The following TRMT10A variants were observed in gnomAD, a reference collection of about 807,000 sequenced individuals.
TRMT10A encodes the protein tRNA methyltransferase 10 homolog A.
In TRMT10A, 37 loss-of-function variants were observed where a neutral mutation model predicts 40.4. The ratio of observed to expected loss-of-function variants is 0.92; its 90% CI spans 0.71 to 1.21. TRMT10A has a LOEUF of 1.21. Among genes scored for constraint, TRMT10A ranks in the 50% most tolerant of loss-of-function variants. The pLI is 0.00. For synonymous variants in TRMT10A, 103 were observed against 134.1 expected, an observed-to-expected ratio of 0.77 and a Z score of 1.60; for missense variants, 388 against 404.3, an observed-to-expected ratio of 0.96 and a Z score of 0.35.
Position 99,559,203 on chromosome 4 carries a change from T to C in TRMT10A, c.136A>G (p.Lys46Glu). The part of the protein sequence containing the change: ...GCEPISKRQM[K>E]KLIKQKQWEE... ...CATTGTTTCTGTTTTATTAGTTTTTTCATTTGTCGTTTAGATATTGGTTCA... is the reference window on the plus strand; with the variant it reads ...CATTGTTTCTGTTTTATTAGTTTTTCCATTTGTCGTTTAGATATTGGTTCA... Residue 46 changes from lysine to glutamate, a missense_variant, in exon 2 of 8, where the codon AAA (lysine) becomes GAA (glutamate). Coordinates refer to ENST00000394876, the MANE Select transcript of TRMT10A (RefSeq NM_001134665.3). The C allele has an allele frequency of 1.9e-6, 3 of 1,613,426 alleles. No individual in the cohort carries two copies. The highest frequency in any genetic ancestry group is 1.1e-5 in the South Asian group (1 of 90,972).
intron 1 of TRMT10A, among the ~76,000 whole-genome samples, chr4:99,562,575 G>C (rs536918242): frequency 5.0e-5 from 7 of 141,206 alleles, no homozygotes; most frequent in African/African-American, 1.9e-4. Context: ...GCCCAGGCTG[G>C]AGTGCAGTGG....
chr4:99,551,553 A>G (rs1357274439), intron 6 of TRMT10A, among the ~76,000 whole-genome samples: 1 of 152,212 alleles, frequency 6.6e-6, no homozygotes, highest in Non-Finnish European at 1.5e-5. Context: ...TCATCACATA[A>G]AAGTACAGCA....
At chr4:99,559,014 T>C (rs1216849717) in intron 2 of TRMT10A, 140 bp downstream of exon 2, 1 of 932,946 alleles carries the variant, frequency 1.1e-6, no homozygotes, top group Non-Finnish European at 1.5e-6. Context: ...TTCTCTTGCG[T>C]TTTTCTTTAC....
At position 99,547,110 on chromosome 4, in the gene TRMT10A, C is replaced by T. The variant is rs1242112361; in HGVS notation, c.*1978G>A. 1 of 152,034 alleles carries T rather than the reference C, an allele frequency of 6.6e-6. No individual in the cohort carries two copies. The highest frequency in any genetic ancestry group is 1.5e-5 in the Non-Finnish European group (1 of 68,004). 9.4% of individuals were successfully genotyped at this position (152,034 alleles called of 1,614,324 possible). On this transcript the variant is annotated 3_prime_UTR_variant, in exon 8 of 8. Transcript: ENST00000394876. ...TATTGGATCATGGTGAACTCTAATC[C>T]AGTGCTGGTCTCCCTAGAAAAAGAG...
intron 6 of TRMT10A, among the ~76,000 whole-genome samples, chr4:99,551,559 C>G (rs1723965212): frequency 6.6e-6 from 1 of 152,012 alleles, no homozygotes; most frequent in South Asian, 2.1e-4. Context: ...CATAAAAGTA[C>G]AGCACATACA....
chr4:99,561,501 G>A (rs949421045), intron 1 of TRMT10A, among the ~76,000 whole-genome samples: 1 of 152,140 alleles, frequency 6.6e-6, no homozygotes, highest in Non-Finnish European at 1.5e-5. Context: ...TGTACTAAGT[G>A]AAGTTTTTAG....
At chr4:99,561,380 G>A (rs1392500229) in intron 1 of TRMT10A, among the ~76,000 whole-genome samples, 1 of 151,866 alleles carries the variant, frequency 6.6e-6, no homozygotes, top group Non-Finnish European at 1.5e-5. Flanking sequence ...ACCTGTCATA[G>A]TACATTAATG....
At chr4:99,557,730 C>A in intron 3 of TRMT10A, 1 of 398,520 alleles carries the variant, frequency 2.5e-6, no homozygotes, top group Non-Finnish European at 4.5e-6. Context: ...TCATGTTTTA[C>A]CAACAACACT....
At chr4:99,562,213 G>GTT (rs1724439335) in intron 1 of TRMT10A, among the ~76,000 whole-genome samples, 4 of 149,212 alleles carry the variant, frequency 2.7e-5, no homozygotes, top group South Asian at 2.1e-4. Flanking sequence ...GTGTGTGTGT[G>GTT]TGTGTGTGTG....
intron 1 of TRMT10A, among the ~76,000 whole-genome samples, chr4:99,562,499 G>C (rs1006935691): frequency 4.1e-5 from 6 of 145,178 alleles, no homozygotes; most frequent in African/African-American, 1.3e-4. Flanking sequence ...ACTTGACAGC[G>C]ATAGCAAAGG....
At position 99,547,448 on chromosome 4, in the gene TRMT10A, A is replaced by T. The variant is rs923996325; in HGVS notation, c.*1640T>A. ...TACAGAGTTTTTTATAATTAATAAA[A>T]ATTAAACTCTTATTTGGAATGATTT... is the stretch of plus-strand genomic sequence containing the variant. On this transcript the variant is annotated 3_prime_UTR_variant, in exon 8 of 8. Coordinates refer to ENST00000394876, the MANE Select transcript of TRMT10A (RefSeq NM_001134665.3). 5.9e-5 allele frequency: 9 copies of T among 152,282 alleles called. No homozygotes were observed. Among genetic ancestry groups the T allele is most frequent in the African/African-American group, 2.2e-4 (9 of 41,570 alleles). 9.4% of individuals were successfully genotyped at this position (152,282 alleles called of 1,614,324 possible).
chr4:99,563,958 T>A lies in TRMT10A; in HGVS notation c.-69A>T, dbSNP rs1724579984. ...GAAGTGAAATCTCAGAAAGAAAGCCTTTCTGGGTTGGCCTGGTTACGGCTC... is the reference window on the plus strand; with the variant it reads ...GAAGTGAAATCTCAGAAAGAAAGCCATTCTGGGTTGGCCTGGTTACGGCTC... On this transcript the variant is annotated 5_prime_UTR_variant, in exon 1 of 8. The change creates a new upstream start codon in the 5' untranslated region. Coordinates refer to ENST00000394876, the MANE Select transcript of TRMT10A (RefSeq NM_001134665.3). 7 of 1,071,290 alleles carry A rather than the reference T, an allele frequency of 6.5e-6. No homozygotes were observed. In the South Asian group the frequency reaches 8.1e-5, roughly 12 times the overall value. 66.4% of individuals were successfully genotyped at this position (1,071,290 alleles called of 1,614,324 possible).
intron 1 of TRMT10A, among the ~76,000 whole-genome samples, chr4:99,561,460 T>C (rs1376301554): frequency 6.6e-6 from 1 of 151,872 alleles, no homozygotes. Context: ...TCATCATCTT[T>C]TTAAAAACTA....
At chr4:99,563,244 A>G (rs147426216) in intron 1 of TRMT10A, 4 of 152,510 alleles carry the variant, frequency 2.6e-5, no homozygotes, top group African/African-American at 9.6e-5. Context: ...AAATTCTTTC[A>G]GAAAGTGACA....
At chr4:99,553,716 T>C in intron 6 of TRMT10A, 69 bp downstream of exon 6, 1 of 1,455,390 alleles carries the variant, frequency 6.9e-7, no homozygotes, top group Non-Finnish European at 9.3e-7. Context: ...GTATTATTGT[T>C]ACTTTCAGGA....
In TRMT10A at chr4:99,549,233, T is replaced by C. The variant is rs753267070; in HGVS notation, c.875A>G (p.Asn292Ser). ...ACCTTCCTCCATCCTGACAGACTGA[T>C]TGTCATGAGAAGCACTTTCACAGGC... ...DKACESASHD[N>S]QSVRMEEGGS... is the part of the protein sequence containing the mutation. Residue 292 changes from asparagine to serine, a missense_variant, in exon 8 of 8, where the codon AAT becomes AGT. Transcript: ENST00000394876. The C allele has an allele frequency of 7.4e-6, 12 of 1,614,118 alleles. No individual in the cohort carries two copies. The highest frequency in any genetic ancestry group is 2.2e-5 in the South Asian group (2 of 91,062).
chr4:99,563,781 C>G, intron 1 of TRMT10A, 132 bp downstream of exon 1: 3 of 513,840 alleles, frequency 5.8e-6, no homozygotes, highest in Non-Finnish European at 1.1e-5. Flanking sequence ...CCGCAGGAAA[C>G]CACTTCCACA....
Position 99,548,823 on chromosome 4 carries a change from A to G in TRMT10A, c.*265T>C, listed in dbSNP as rs962532208. ...GAAAATGAAAATATACTAATACAGT[A>G]AAATTATCTAGAAACTACTGAGGCT... On this transcript the variant is annotated 3_prime_UTR_variant, in exon 8 of 8. Transcript: ENST00000394876. 2.6e-5 allele frequency: 8 copies of G among 312,666 alleles called. No homozygotes were observed. Among genetic ancestry groups the G allele is most frequent in the African/African-American group, 1.5e-4 (7 of 46,124 alleles). The allele number at this position is 312,666 out of a possible 1,614,324, so 19.4% of individuals were successfully genotyped here. A position where few individuals can be genotyped will look rare whatever the true frequency, so the allele number is the denominator to read the frequency against.
At chr4:99,551,346 C>G (rs978962365) in intron 6 of TRMT10A, among the ~76,000 whole-genome samples, 1 of 152,152 alleles carries the variant, frequency 6.6e-6, no homozygotes, top group Non-Finnish European at 1.5e-5. Context: ...CTGCCTTTAT[C>G]TCAGCTTAAA....
Sources: gnomAD v4.1 joint callset for allele counts (sites outside exome capture counted in the v4.1 genomes callset) on GRCh38, gnomAD v4.1.1 for gene constraint, MANE v1.5 for transcripts, NCBI Gene and HGNC (gene_info 2026-07-23, HGNC 2026-07-21) for gene names.